Variants in GSE1 observed in about 807,000 individuals in gnomAD.
The protein encoded by GSE1 is genetic suppressor element 1.
In GSE1, 32 loss-of-function variants were observed where a neutral mutation model predicts 112.6. The ratio of observed to expected loss-of-function variants is 0.28; its 90% confidence interval spans 0.21 to 0.38. GSE1 has a LOEUF of 0.38. GSE1 is among the 10% of genes least tolerant of loss of function. GSE1 has a pLI of 1.00. For synonymous variants in GSE1, 1,115 were observed against 735.6 expected (o/e 1.52, Z -8.35); for missense variants, 2,348 against 1,699.2 (o/e 1.38, Z -6.71).
intron 1 of GSE1, among the ~76,000 whole-genome samples, chr16:85,626,393 C>T (rs2049070788): frequency 6.6e-6 from 1 of 152,264 alleles, no homozygotes; most frequent in Non-Finnish European, 1.5e-5. Context: ...CTCGTTAGGG[C>T]CACGGAAGCT....
At position 85,613,962 on chromosome 16, in the gene GSE1, G is replaced by A. The variant is rs888119056; in HGVS notation, c.7+564G>A. Among the ~76,000 whole-genome samples the A allele has an allele frequency of 9.2e-4, 139 of 151,462 alleles. 1 individual carries two copies. Among genetic ancestry groups the A allele is most frequent in the Non-Finnish European group, 1.7e-3 (114 of 67,694 alleles). On this transcript the variant is annotated intron_variant, in intron 1 of 15. Transcript: ENST00000253458. ...TGTCTCGGGGGAGTTGGTCGGGAGG[G>A]CGGGACCGCAGCCTGCCGGGTTTGT...
At chr16:85,463,227 C>T (rs1417089671) in intron 2 of GSE1, 1 of 436,560 alleles carries the variant, frequency 2.3e-6, no homozygotes, top group East Asian at 1.6e-4. Flanking sequence ...TGGCCCCGCA[C>T]TCACCCAGCC....
At position 85,673,869 on chromosome 16, in the gene GSE1, G is replaced by A. The variant is rs984226698; in HGVS notation, c.*1330G>A. 1.3e-5 allele frequency: 2 copies of A among 152,216 alleles called. No homozygotes were observed. The highest frequency in any genetic ancestry group is 2.4e-5 in the African/African-American group (1 of 41,450). The allele number at this position is 152,216 out of a possible 1,614,324, so 9.4% of individuals were successfully genotyped here. ...ATAATTCTAAGGTGTCTGAGAGCAGGTACAGAATAGGAACTTCAGAGGCTT... is the reference window on the plus strand; with the variant it reads ...ATAATTCTAAGGTGTCTGAGAGCAGATACAGAATAGGAACTTCAGAGGCTT... On this transcript the variant is annotated 3_prime_UTR_variant, in exon 16 of 16. Transcript: ENST00000253458.
At chr16:85,629,840 A>G (rs887690554) in intron 1 of GSE1, among the ~76,000 whole-genome samples, 3 of 152,162 alleles carry the variant, frequency 2.0e-5, no homozygotes, top group Non-Finnish European at 4.4e-5. Flanking sequence ...GGATTAATAG[A>G]GGGTGTGGTG....
At position 85,198,366 on chromosome 16, in the gene GSE1, T is replaced by G. The variant is rs1006791812; in HGVS notation, c.2283+26559T>G. On this transcript the variant is annotated intron_variant, in intron 1 of 2. Coordinates refer to the GSE1 transcript ENST00000637419. ...TACACTGAGACATGTCCTTGGAACG[T>G]GTTTTCTAGGCCCCAGCTGTGGGCC... Among the ~76,000 whole-genome samples the G allele has an allele frequency of 4.6e-5, 7 of 152,162 alleles. No individual in the cohort carries two copies. In the South Asian group the frequency reaches 1.0e-3, roughly 22 times the overall value.
chr16:85,248,189 A>G (rs781064161), intron 1 of GSE1, among the ~76,000 whole-genome samples: 9 of 152,158 alleles, frequency 5.9e-5, no homozygotes, highest in East Asian at 1.9e-4. Context: ...TGGGACCCCC[A>G]GATCCCTGTA....
chr16:85,576,684 G>A (rs953744193), intron 1 of GSE1, among the ~76,000 whole-genome samples: 1 of 152,212 alleles, frequency 6.6e-6, no homozygotes, highest in East Asian at 1.9e-4. Context: ...TTGATGTAGA[G>A]TTTTAGAAAC....
At chr16:85,665,188 T>C in intron 12 of GSE1, 60 bp downstream of exon 12, 1 of 996,610 alleles carries the variant, frequency 1.0e-6, no homozygotes. Context: ...CTGCCCAGGC[T>C]CAGAGGCGAC....
chr16:85,225,478 A>G (rs553351617), intron 1 of GSE1, among the ~76,000 whole-genome samples: 5 of 152,314 alleles, frequency 3.3e-5, no homozygotes, highest in African/African-American at 1.2e-4. Flanking sequence ...AGAGGTCAGC[A>G]GGGCCTTGGA....
At chr16:85,272,296 G>A (rs1398344637) in intron 1 of GSE1, among the ~76,000 whole-genome samples, 1 of 152,220 alleles carries the variant, frequency 6.6e-6, no homozygotes, top group African/African-American at 2.4e-5. Context: ...GTTTTTCCAT[G>A]TCTGAAGGAG....
chr16:85,212,119 C>G (rs976993816), intron 1 of GSE1, among the ~76,000 whole-genome samples: 3 of 152,194 alleles, frequency 2.0e-5, no homozygotes, highest in African/African-American at 7.2e-5. Flanking sequence ...AATAATTGGG[C>G]TAGAAGCCGG....
intron 2 of GSE1, among the ~76,000 whole-genome samples, chr16:85,409,910 C>T (rs866572235): frequency 3.8e-4 from 3 of 7,850 alleles, no homozygotes; most frequent in Non-Finnish European, 5.2e-4. Context: ...CAGGCCCCCC[C>T]GGATAATCCT....
At chr16:85,585,660 GT>G (rs2046658413) in intron 1 of GSE1, among the ~76,000 whole-genome samples, 1 of 152,212 alleles carries the variant, frequency 6.6e-6, no homozygotes, top group African/African-American at 2.4e-5. Context: ...GCCCATCCTG[GT>G]TCTGGAACTC....
intron 2 of GSE1, among the ~76,000 whole-genome samples, chr16:85,517,380 C>T (rs2051986346): frequency 1.3e-5 from 2 of 152,202 alleles, no homozygotes; most frequent in South Asian, 4.1e-4. Context: ...AATAGAGCTG[C>T]CAGTGACCAA....
intron 2 of GSE1, among the ~76,000 whole-genome samples, chr16:85,472,774 A>G (rs1323849920): frequency 1.3e-5 from 2 of 152,236 alleles, no homozygotes. Flanking sequence ...AAGATCCGGG[A>G]AGCTGTCACC....
In GSE1 at chr16:85,633,987, C is replaced by T. The variant is rs1482541817; in HGVS notation, c.81C>T (p.Asn27=). The change falls in exon 2 of 16, where the codon AAC becomes AAT. Residue 27 remains asparagine, a synonymous_variant. Coordinates refer to ENST00000253458, the MANE Select transcript of GSE1 (RefSeq NM_014615.5). ...CGACCAGGACCACCGCCACCGTCAA[C>T]CCCCTCACCCCCTCGCCGCTCAATG... ...STATRTTATV[N]PLTPSPLNGA... 3 of 1,612,956 alleles carry T rather than the reference C, an allele frequency of 1.9e-6. No homozygotes were observed. Among genetic ancestry groups the T allele is most frequent in the African/African-American group, 1.3e-5 (1 of 74,922 alleles).
chr16:85,617,146 C>T (rs535018241), intron 1 of GSE1, among the ~76,000 whole-genome samples: 13 of 152,350 alleles, frequency 8.5e-5, no homozygotes, highest in Admixed American at 1.3e-4. Flanking sequence ...CCACCTGTCA[C>T]TGAGGCCAGT....
At chr16:85,181,730 C>T (rs893012971) in intron 1 of GSE1, among the ~76,000 whole-genome samples, 1 of 152,124 alleles carries the variant, frequency 6.6e-6, no homozygotes, top group African/African-American at 2.4e-5. Flanking sequence ...GTGGGGCCTC[C>T]ACACTTCCAG....
rs752451260 is a variant in GSE1, at chr16:85,654,971, C to T, written c.777C>T (p.Pro259=). ...ACCCCAGCTACCTGGCCCCACACCC[C>T]TTCCCCCACCCGGCCTTCAGGTGAG... ...YYHPSYLAPH[P]FPHPAFRMDD... is the part of the protein sequence containing the mutation. The change falls in exon 5 of 16, where the codon CCC becomes CCT. Residue 259 remains proline (P), a synonymous_variant. Transcript: ENST00000253458. The T allele has an allele frequency of 1.9e-6, 3 of 1,599,872 alleles. No homozygotes were observed. Among genetic ancestry groups the T allele is most frequent in the Admixed American group, 1.7e-5 (1 of 59,448 alleles).
Sources: gnomAD v4.1 joint callset for allele counts (sites outside exome capture counted in the v4.1 genomes callset) on GRCh38, gnomAD v4.1.1 for gene constraint, MANE v1.5 for transcripts, NCBI Gene and HGNC (gene_info 2026-07-23, HGNC 2026-07-21) for gene names.